PRKN: variants seen among roughly 807,000 people sequenced by gnomAD.
PRKN encodes the protein parkin RBR E3 ubiquitin protein ligase.
A neutral mutation model predicts 59.5 loss-of-function variants in PRKN; 56 were observed. That is an observed-to-expected ratio of 0.94 (90% CI 0.76 to 1.18). The LOEUF is 1.18. PRKN is among the 50% of genes most tolerant of loss of function. The pLI is 0.00. For synonymous variants in PRKN, 250 were observed against 222.1 expected (o/e 1.13, Z -1.12); for missense variants, 657 against 596.4 (o/e 1.10, Z -1.06).
chr6:161,515,202 A>G (rs548060), intron 9 of PRKN, among the ~76,000 whole-genome samples: 108,231 of 152,014 alleles, frequency 0.71, 38,650 homozygotes, highest in Middle Eastern at 0.8. Flanking sequence ...TTATATGCAT[A>G]GTACCAACGA....
intron 1 of PRKN, among the ~76,000 whole-genome samples, chr6:162,519,891 C>A (rs1778017230): frequency 6.6e-6 from 1 of 152,110 alleles, no homozygotes; most frequent in Admixed American, 6.5e-5. Context: ...TCATGATTCA[C>A]AAATTGCATT....
intron 1 of PRKN, among the ~76,000 whole-genome samples, chr6:162,495,572 GCA>G (rs1329134267): frequency 6.6e-6 from 1 of 152,050 alleles, no homozygotes; most frequent in East Asian, 1.9e-4. Flanking sequence ...GAGCCACCTG[GCA>G]CACACACACT....
At chr6:161,968,443 C>T (rs1256300639) in intron 6 of PRKN, among the ~76,000 whole-genome samples, 2 of 152,068 alleles carry the variant, frequency 1.3e-5, no homozygotes, top group Non-Finnish European at 2.9e-5. Flanking sequence ...GTCTGACCTC[C>T]CACCCCATCA....
rs1327594028 is a variant in PRKN, at chr6:161,428,593, G to T, written c.1084-41716C>A. Among the ~76,000 whole-genome samples the T allele has an allele frequency of 1.3e-5, 2 of 152,178 alleles. No homozygotes were observed. The highest frequency in any genetic ancestry group is 2.9e-5 in the Non-Finnish European group (2 of 68,034). ...GCTGCCTTTGATTGTTTGGCGGTTT[G>T]CTGTGTTCTCTGAGTGTTTTTCCAC... On this transcript the variant is annotated intron_variant, in intron 9 of 11. Coordinates refer to ENST00000366898, the MANE Select transcript of PRKN (RefSeq NM_004562.3). The surrounding 1 kb of genome is among the most constrained non-coding windows in gnomAD (Gnocchi z 4.0).
At chr6:161,394,854 G>A (rs10455885) in intron 9 of PRKN, among the ~76,000 whole-genome samples, 4 of 152,074 alleles carry the variant, frequency 2.6e-5, no homozygotes, top group African/African-American at 4.8e-5. Flanking sequence ...CTATAATTAC[G>A]GACAAAGACA....
chr6:162,060,572 G>T (rs1411788266), intron 4 of PRKN, among the ~76,000 whole-genome samples: 1 of 152,140 alleles, frequency 6.6e-6, no homozygotes, highest in Non-Finnish European at 1.5e-5. Context: ...AGCCATTTTG[G>T]CTATGTCTTT....
intron 6 of PRKN, among the ~76,000 whole-genome samples, chr6:161,873,855 TA>T (rs963559917): frequency 7.3e-6 from 1 of 136,322 alleles, no homozygotes; most frequent in African/African-American, 2.6e-5. Context: ...TTAAGACTTT[TA>T]AAAGACCTGT....
At chr6:161,528,920 C>T (rs914677323) in intron 9 of PRKN, among the ~76,000 whole-genome samples, 2 of 152,168 alleles carry the variant, frequency 1.3e-5, no homozygotes, top group African/African-American at 4.8e-5. Flanking sequence ...GGGCCTCATA[C>T]CGTGTACCAA....
chr6:162,122,744 A>G (rs1338117022), intron 4 of PRKN, among the ~76,000 whole-genome samples: 1 of 151,588 alleles, frequency 6.6e-6, no homozygotes, highest in Non-Finnish European at 1.5e-5. Flanking sequence ...CTATCTATCT[A>G]TCTATCTATC....
chr6:161,831,681 G>T (rs2128218723), intron 6 of PRKN, among the ~76,000 whole-genome samples: 1 of 152,328 alleles, frequency 6.6e-6, no homozygotes, highest in Middle Eastern at 3.4e-3. Context: ...GGGAATTTAA[G>T]TGGGAATGAA....
chr6:162,266,828 G>C (rs6929750), intron 2 of PRKN, among the ~76,000 whole-genome samples: 17,851 of 152,144 alleles, frequency 0.12, 1,155 homozygotes, highest in South Asian at 0.26. Context: ...AACTAAAGAG[G>C]ATGGGTCCCT....
At chr6:161,542,923 A>G (rs768712147) in intron 9 of PRKN, among the ~76,000 whole-genome samples, 3 of 152,240 alleles carry the variant, frequency 2.0e-5, no homozygotes, top group Non-Finnish European at 4.4e-5. Context: ...GGTTTAAAAA[A>G]TATCTAAGCA....
At position 161,460,487 on chromosome 6, in the gene PRKN, G is replaced by A. The variant is rs1227541213; in HGVS notation, c.1084-73610C>T. On this transcript the variant is annotated intron_variant, in intron 9 of 11. Coordinates refer to ENST00000366898, the MANE Select transcript of PRKN (RefSeq NM_004562.3). This position sits in a 1 kb window ranked among gnomAD's most constrained non-coding sequence, Gnocchi z 5.0. ...AGCAGCATATCAGCAGGAAGGGCCA[G>A]GGGACACTTCTCTGAACCCCCGTGA... Among the ~76,000 whole-genome samples, 1 of 152,126 alleles carries A rather than the reference G, an allele frequency of 6.6e-6. No homozygotes were observed. Among genetic ancestry groups the A allele is most frequent in the East Asian group, 1.9e-4 (1 of 5,186 alleles).
At chr6:161,910,337 C>T (rs946675108) in intron 6 of PRKN, among the ~76,000 whole-genome samples, 1 of 152,162 alleles carries the variant, frequency 6.6e-6, no homozygotes, top group South Asian at 2.1e-4. Context: ...TCACCACAAC[C>T]TCCACCTCCT....
intron 7 of PRKN, among the ~76,000 whole-genome samples, chr6:161,780,970 C>G (rs1790178904): frequency 6.6e-6 from 1 of 152,158 alleles, no homozygotes; most frequent in South Asian, 2.1e-4. Flanking sequence ...GCTAAACAAT[C>G]TTGTGACAAA....
At chr6:162,217,938 G>A (rs1479109360) in intron 3 of PRKN, among the ~76,000 whole-genome samples, 3 of 152,166 alleles carry the variant, frequency 2.0e-5, no homozygotes, top group Non-Finnish European at 4.4e-5. Context: ...GAGCAGGGGT[G>A]TGGGAAAACA....
chr6:162,639,870 T>C (rs1017454606), intron 1 of PRKN, among the ~76,000 whole-genome samples: 5 of 152,312 alleles, frequency 3.3e-5, no homozygotes, highest in East Asian at 3.9e-4. Flanking sequence ...ATCTAGAGCC[T>C]TATAGTATTG....
At chr6:161,895,792 C>G (rs541259489) in intron 6 of PRKN, among the ~76,000 whole-genome samples, 1 of 152,210 alleles carries the variant, frequency 6.6e-6, no homozygotes, top group South Asian at 2.1e-4. Flanking sequence ...CAGTAAATAT[C>G]TGTTGAACAA....
At chr6:162,445,947 A>G (rs1306756261) in intron 1 of PRKN, among the ~76,000 whole-genome samples, 1 of 152,036 alleles carries the variant, frequency 6.6e-6, no homozygotes, top group East Asian at 1.9e-4. Context: ...CACAAGAACA[A>G]AGGCCTGACA....
Sources: allele counts gnomAD v4.1 joint callset (sites outside exome capture counted in the v4.1 genomes callset), GRCh38; gene constraint gnomAD v4.1.1; non-coding constraint Gnocchi (gnomAD v3.1); transcripts MANE v1.5; gene names NCBI Gene and HGNC (gene_info 2026-07-23, HGNC 2026-07-21).